The following PLCG2 variants were observed in gnomAD, a reference collection of about 807,000 sequenced individuals.
PLCG2 encodes 1-phosphatidylinositol 4,5-bisphosphate phosphodiesterase gamma-2.
A neutral mutation model predicts 175.6 loss-of-function variants in PLCG2; 69 were observed. The observed-to-expected ratio is 0.39, with a 90% CI of 0.32 to 0.48. The LOEUF (loss-of-function observed/expected upper bound fraction) is 0.48, where lower values mean the gene tolerates loss of function less well. Among genes scored for constraint, PLCG2 ranks in the 20% least tolerant of loss-of-function variants. The pLI, the probability that PLCG2 is intolerant of heterozygous loss-of-function variation, is 0.91. For missense variants in PLCG2, 1,798 were observed against 1,650.9 expected (o/e 1.09, Z -1.54); for synonymous variants, 827 against 624.0 (o/e 1.33, Z -4.85).
Position 81,895,937 on chromosome 16 carries a change from C to T in PLCG2, c.1193+10C>T. Reference sequence around the variant, plus strand: ...CCTTTGTTACCTCGAGGTCAGTTGGCTGATTTCTGGGTGGTGTGACTTAAA... The same window carrying T: ...CCTTTGTTACCTCGAGGTCAGTTGGTTGATTTCTGGGTGGTGTGACTTAAA... On this transcript the variant is annotated intron_variant, in intron 13 of 32. Transcript: ENST00000564138. 6.2e-7 allele frequency: 1 copy of T among 1,614,010 alleles called. No homozygotes were observed. The highest frequency in any genetic ancestry group is 8.5e-7 in the Non-Finnish European group (1 of 1,179,964).
In PLCG2 at chr16:81,908,448, G is replaced by A; in HGVS notation, c.1590G>A (p.Glu530=). ...CCCCTACAGAACTACATTTTGGGGA[G>A]AAATGGTTCCACAAGAAGGTGGAGA... ...DIPPTELHFG[E]KWFHKKVEKR... The change falls in exon 17 of 33, where the codon GAG becomes GAA. Residue 530 remains glutamate (E), a synonymous_variant. Transcript: ENST00000564138. 3 of 1,614,138 alleles carry A rather than the reference G, an allele frequency of 1.9e-6. No individual in the cohort carries two copies. Among genetic ancestry groups the A allele is most frequent in the Non-Finnish European group, 2.5e-6 (3 of 1,180,004 alleles).
At chr16:81,797,945 C>G (rs1484633932) in intron 2 of PLCG2, among the ~76,000 whole-genome samples, 6 of 152,026 alleles carry the variant, frequency 3.9e-5, no homozygotes, top group Admixed American at 6.6e-5. Context: ...ATTATTCTGC[C>G]TCAGCCTCCT....
chr16:81,860,162 T>C (rs1906898008), intron 5 of PLCG2, among the ~76,000 whole-genome samples: 1 of 99,794 alleles, frequency 1.0e-5, no homozygotes, highest in African/African-American at 3.4e-5. Context: ...TTATTATTAT[T>C]ATTATTATTA....
chr16:81,770,640 G>A (rs952248189), intron 2 of PLCG2, among the ~76,000 whole-genome samples: 1 of 152,106 alleles, frequency 6.6e-6, no homozygotes, highest in Admixed American at 6.6e-5. Context: ...GTATGAGCCC[G>A]GCGGAGAGGG....
rs112866202 is a variant in PLCG2, at chr16:81,849,693, C to T, written c.194-4751C>T. On this transcript the variant is annotated intron_variant, in intron 2 of 32. Coordinates refer to ENST00000564138, the MANE Select transcript of PLCG2 (RefSeq NM_002661.5). The stretch of plus-strand genomic sequence containing the variant: ...GGCTGAGGCAGGAGAATCACTTGAA[C>T]CCAGGAGGCGGAGGTTGCACTGAGC... 2.7e-3 allele frequency among the ~76,000 whole-genome samples: 404 copies of T among 148,146 alleles called. 4 individuals are homozygous for T. Among genetic ancestry groups the T allele is most frequent in the Middle Eastern group, 0.011 (3 of 280 alleles).
At chr16:81,823,313 C>G (rs1904887337) in intron 2 of PLCG2, among the ~76,000 whole-genome samples, 1 of 152,204 alleles carries the variant, frequency 6.6e-6, no homozygotes, top group African/African-American at 2.4e-5. Flanking sequence ...AGAGAGGCTT[C>G]CTCTCTCGAC....
intron 13 of PLCG2, among the ~76,000 whole-genome samples, chr16:81,899,604 A>G (rs533260587): frequency 6.6e-6 from 1 of 152,174 alleles, no homozygotes; most frequent in South Asian, 2.1e-4. Flanking sequence ...AAGTGTCCTC[A>G]CCATCTGTTG....
Position 81,927,330 on chromosome 16 carries a change from G to T in PLCG2, c.2514+152G>T. 5 of 620,308 alleles carry T rather than the reference G, an allele frequency of 8.1e-6. No individual in the cohort carries two copies. The South Asian group carries it at 9.5e-5, about 12-fold the overall frequency. The allele number at this position is 620,308 out of a possible 1,614,324, so 38.4% of individuals were successfully genotyped here. On this transcript the variant is annotated intron_variant, in intron 23 of 32. Coordinates refer to ENST00000564138, the MANE Select transcript of PLCG2 (RefSeq NM_002661.5). ...TCAGGGAAGACACAGTGATGATAGG[G>T]AAATTGAGATTGAGTTGTTGTGGGT... is the stretch of plus-strand genomic sequence containing the variant.
At chr16:81,906,167 G>A (rs1255052719) in intron 15 of PLCG2, 1 of 152,086 alleles carries the variant, frequency 6.6e-6, no homozygotes, top group African/African-American at 2.4e-5. Flanking sequence ...GTTTATAGAT[G>A]GTATTTCATT....
rs772595067 is a variant in PLCG2, at chr16:81,859,173, A to T, written c.479+10A>T. 4 of 1,575,092 alleles carry T rather than the reference A, an allele frequency of 2.5e-6. No homozygotes were observed. In the African/African-American group the frequency reaches 5.4e-5, roughly 21 times the overall value. ...AAACCAGAAGAAACAGGTAAGAGTC[A>T]TTCAGTTTTTTTCTGATCACTTTGG... On this transcript the variant is annotated intron_variant, in intron 5 of 32. Transcript: ENST00000564138.
chr16:81,922,514 G>C (rs1255448256), intron 21 of PLCG2, among the ~76,000 whole-genome samples: 1 of 152,198 alleles, frequency 6.6e-6, no homozygotes, highest in Non-Finnish European at 1.5e-5. Flanking sequence ...ATCTCATTTA[G>C]TAGTCTTAAC....
intron 25 of PLCG2, among the ~76,000 whole-genome samples, chr16:81,933,581 T>G (rs1389308798): frequency 1.3e-5 from 2 of 152,004 alleles, no homozygotes; most frequent in Non-Finnish European, 2.9e-5. Flanking sequence ...TTTTTGTTTT[T>G]TTTTTTTGAG....
intron 2 of PLCG2, among the ~76,000 whole-genome samples, chr16:81,818,883 ATTTTTT>A (rs57346304): frequency 7.5e-5 from 8 of 106,634 alleles, no homozygotes; most frequent in Admixed American, 2.0e-4. Context: ...GGGCTCATGG[ATTTTTT>A]TTTTTTTTTT....
At chr16:81,876,508 C>T (rs370419725) in intron 7 of PLCG2, among the ~76,000 whole-genome samples, 10 of 152,226 alleles carry the variant, frequency 6.6e-5, no homozygotes, top group East Asian at 1.9e-4. Context: ...CTGTGACCCC[C>T]GCCTCTGGCA....
At chr16:81,933,336 C>G (rs1037035019) in intron 25 of PLCG2, among the ~76,000 whole-genome samples, 6 of 152,182 alleles carry the variant, frequency 3.9e-5, no homozygotes, top group Admixed American at 2.6e-4. Context: ...AGGCCCCATC[C>G]CACTCTTGGG....
At chr16:81,808,917 C>G (rs1430806973) in intron 2 of PLCG2, among the ~76,000 whole-genome samples, 1 of 152,138 alleles carries the variant, frequency 6.6e-6, no homozygotes, top group Non-Finnish European at 1.5e-5. Context: ...GAGACATGAG[C>G]TTGGTGTAGT....
intron 2 of PLCG2, among the ~76,000 whole-genome samples, chr16:81,810,246 G>A (rs553494835): frequency 4.6e-4 from 70 of 152,232 alleles, no homozygotes; most frequent in Admixed American, 9.2e-4. Flanking sequence ...TCAGCCTTCC[G>A]AAGTGCTGGG....
chr16:81,776,113 C>CT (rs1355120011), upstream of PLCG2, among the ~76,000 whole-genome samples: 3 of 45,860 alleles, frequency 6.5e-5, no homozygotes, highest in African/African-American at 1.0e-4. Flanking sequence ...TTCCTTCTTT[C>CT]TTTTTTGTTT....
chr16:81,844,140 C>G (rs1240421813), intron 2 of PLCG2, among the ~76,000 whole-genome samples: 2 of 101,962 alleles, frequency 2.0e-5, no homozygotes, highest in Non-Finnish European at 4.1e-5. Flanking sequence ...CCACACCCGG[C>G]TGATTTTTTT....
Sources: gnomAD v4.1 joint callset for allele counts (sites outside exome capture counted in the v4.1 genomes callset) on GRCh38, gnomAD v4.1.1 for gene constraint, MANE v1.5 for transcripts, NCBI Gene and HGNC (gene_info 2026-07-23, HGNC 2026-07-21) for gene names.